COL25A1: variants seen among roughly 807,000 people sequenced by gnomAD.
The protein encoded by COL25A1 is collagen alpha-1(XXV) chain.
COL25A1 carries 103 observed loss-of-function variants against 128.4 expected under a neutral mutation model. That is an observed-to-expected ratio of 0.80 (90% CI 0.68 to 0.94). The LOEUF (loss-of-function observed/expected upper bound fraction) is 0.94, where lower values mean the gene tolerates loss of function less well. Among genes scored for constraint, COL25A1 ranks in the 40% least tolerant of loss-of-function variants. The pLI is 0.00. For missense variants in COL25A1, 745 were observed against 840.0 expected (o/e 0.89, Z 1.40); for synonymous variants, 279 against 277.2 (o/e 1.01, Z -0.06).
intron 8 of COL25A1, among the ~76,000 whole-genome samples, chr4:108,967,015 A>G (rs1751388472): frequency 6.6e-6 from 1 of 152,190 alleles, no homozygotes; most frequent in South Asian, 2.1e-4. Context: ...AACTTACAGC[A>G]TTACTTTACA....
chr4:109,263,674 C>A (rs547457533), intron 3 of COL25A1, among the ~76,000 whole-genome samples: 2 of 152,292 alleles, frequency 1.3e-5, no homozygotes, highest in South Asian at 2.1e-4. Flanking sequence ...TAAAACAAAG[C>A]CCTCTCTGCC....
intron 31 of COL25A1, among the ~76,000 whole-genome samples, chr4:108,836,900 G>A (rs1299098152): frequency 2.0e-5 from 3 of 152,120 alleles, no homozygotes; most frequent in South Asian, 2.1e-4. Flanking sequence ...CCAACGTGGC[G>A]AAACCCTGTC....
chr4:109,094,329 C>T (rs1579345667), intron 3 of COL25A1, among the ~76,000 whole-genome samples: 1 of 152,154 alleles, frequency 6.6e-6, no homozygotes, highest in Non-Finnish European at 1.5e-5. Context: ...ACAAGGCAAA[C>T]CCTTGAATTT....
intron 8 of COL25A1, among the ~76,000 whole-genome samples, chr4:108,946,513 C>T (rs963056076): frequency 2.0e-5 from 3 of 152,192 alleles, no homozygotes; most frequent in African/African-American, 7.2e-5. Context: ...AGCTTTAAAA[C>T]TGACTAACAT....
intron 3 of COL25A1, among the ~76,000 whole-genome samples, chr4:109,150,513 G>T (rs112180260): frequency 3.0e-4 from 46 of 152,226 alleles, no homozygotes; most frequent in African/African-American, 1.1e-3. Context: ...ATGTGGTGCC[G>T]AGATGTGGTG....
chr4:109,265,030 G>C (rs1408149621), intron 3 of COL25A1, among the ~76,000 whole-genome samples: 2 of 152,088 alleles, frequency 1.3e-5, no homozygotes, highest in Non-Finnish European at 2.9e-5. Flanking sequence ...AAAGAAAATG[G>C]AAAGTAAGTT....
At chr4:108,862,464 C>T (rs777106063) in intron 22 of COL25A1, 37 bp downstream of exon 22, 8 of 1,503,058 alleles carry the variant, frequency 5.3e-6, no homozygotes, top group East Asian at 4.5e-5. Context: ...ATCTTGAAGG[C>T]CTCATGTTAT....
intron 11 of COL25A1, among the ~76,000 whole-genome samples, chr4:108,932,105 A>G (rs1235764354): frequency 6.6e-6 from 1 of 152,170 alleles, no homozygotes; most frequent in African/African-American, 2.4e-5. Context: ...CAAATCAGGA[A>G]GTCTGCTGTT....
intron 3 of COL25A1, among the ~76,000 whole-genome samples, chr4:109,239,420 A>ATATATATATATG (rs1553965400): frequency 4.0e-5 from 5 of 124,362 alleles, no homozygotes; most frequent in Non-Finnish European, 8.6e-5. Flanking sequence ...ATATATATAT[A>ATATATATATATG]TATTTATTTA....
At chr4:109,196,740 T>C (rs929900985) in intron 3 of COL25A1, among the ~76,000 whole-genome samples, 1 of 152,150 alleles carries the variant, frequency 6.6e-6, no homozygotes, top group East Asian at 1.9e-4. Flanking sequence ...ACTATGTCTG[T>C]AGTGGATTTA....
chr4:109,147,816 C>CAA lies in COL25A1; in HGVS notation c.368-97639_368-97638dup, dbSNP rs34761348. On this transcript the variant is annotated intron_variant, in intron 3 of 37. Coordinates refer to ENST00000399132, the MANE Select transcript of COL25A1 (RefSeq NM_198721.4). ...TGGATGACACAGAAAGACTCTGTCT[C>CAA]AAAAAAAAAAAAAAAAAAGTACTGG... 8.7e-3 allele frequency among the ~76,000 whole-genome samples: 875 copies of CAA among 100,478 alleles called. 6 individuals are homozygous for CAA. The highest frequency in any genetic ancestry group is 0.031 in the African/African-American group (826 of 26,234). 65.9% of individuals were successfully genotyped at this position (100,478 alleles called of 152,430 possible).
intron 3 of COL25A1, among the ~76,000 whole-genome samples, chr4:109,118,845 C>G (rs1037456353): frequency 1.3e-5 from 2 of 152,004 alleles, no homozygotes; most frequent in African/African-American, 2.4e-5. Flanking sequence ...ATGAACTCAA[C>G]AGACCCATCA....
chr4:109,077,216 A>C (rs2125989593), intron 3 of COL25A1, among the ~76,000 whole-genome samples: 1 of 152,362 alleles, frequency 6.6e-6, no homozygotes, highest in African/African-American at 2.4e-5. Context: ...CATACAAAGG[A>C]AAATTTTTAA....
intron 13 of COL25A1, among the ~76,000 whole-genome samples, chr4:108,906,431 C>T (rs1330390632): frequency 6.6e-6 from 1 of 152,164 alleles, no homozygotes; most frequent in East Asian, 1.9e-4. Flanking sequence ...ACTCCCCTAA[C>T]CACACCACCA....
At chr4:109,210,808 G>A (rs1664063454) in intron 3 of COL25A1, among the ~76,000 whole-genome samples, 1 of 151,876 alleles carries the variant, frequency 6.6e-6, no homozygotes, top group Non-Finnish European at 1.5e-5. Flanking sequence ...AAGCAAATGT[G>A]GTATATATAC....
chr4:109,230,982 C>T (rs1779127814), intron 3 of COL25A1, among the ~76,000 whole-genome samples: 2 of 151,672 alleles, frequency 1.3e-5, no homozygotes, highest in Admixed American at 1.3e-4. Flanking sequence ...CTACTAAATA[C>T]AAAAAAATTA....
chr4:108,946,718 A>C (rs1461285702), intron 8 of COL25A1, among the ~76,000 whole-genome samples: 1 of 152,148 alleles, frequency 6.6e-6, no homozygotes, highest in Non-Finnish European at 1.5e-5. Flanking sequence ...GGCTACAAAG[A>C]AAATAAAATG....
intron 5 of COL25A1, among the ~76,000 whole-genome samples, chr4:109,044,342 TAAGTA>T (rs1280062828): frequency 1.3e-5 from 2 of 151,786 alleles, no homozygotes; most frequent in African/African-American, 4.8e-5. Flanking sequence ...CAAAACATTC[TAAGTA>T]AAGTTGCAAA....
At chr4:109,269,986 A>T (rs1023626169) in intron 3 of COL25A1, among the ~76,000 whole-genome samples, 4 of 152,196 alleles carry the variant, frequency 2.6e-5, no homozygotes, top group Non-Finnish European at 4.4e-5. Flanking sequence ...TTATCTCAAT[A>T]GATGCAGAAA....
Sources: gnomAD v4.1 joint callset for allele counts (sites outside exome capture counted in the v4.1 genomes callset) on GRCh38, gnomAD v4.1.1 for gene constraint, MANE v1.5 for transcripts, NCBI Gene and HGNC (gene_info 2026-07-23, HGNC 2026-07-21) for gene names.